The following CHD7 variants were observed in gnomAD, a reference collection of about 807,000 sequenced individuals.
The protein encoded by CHD7 is chromodomain helicase DNA binding protein 7.
Under a neutral mutation model 307.3 loss-of-function variants are expected in CHD7, and 24 were observed. That is an observed-to-expected ratio of 0.08 (90% CI 0.06 to 0.11). The LOEUF (loss-of-function observed/expected upper bound fraction) is 0.11. Among genes scored for constraint, CHD7 ranks in the 10% least tolerant of loss-of-function variants. The pLI is 1.00. For missense variants in CHD7, 3,106 were observed against 3,727.1 expected, an observed-to-expected ratio of 0.83 and a Z score of 4.34; for synonymous variants, 1,363 against 1,349.9, an observed-to-expected ratio of 1.01 and a Z score of -0.21.
intron 1 of CHD7, among the ~76,000 whole-genome samples, chr8:60,740,351 A>G (rs1563557609): frequency 6.6e-6 from 1 of 152,232 alleles, no homozygotes; most frequent in Non-Finnish European, 1.5e-5. Context: ...TAGTTATGAG[A>G]ATAGTTGGTG....
At chr8:60,795,287 G>C (rs1301577478) in intron 4 of CHD7, among the ~76,000 whole-genome samples, 160 bp downstream of exon 4, 1 of 152,130 alleles carries the variant, frequency 6.6e-6, no homozygotes, top group African/African-American at 2.4e-5. Flanking sequence ...GTAGGGAGGG[G>C]GAGCGGGCGT....
intron 2 of CHD7, 53 bp from the exon 3 acceptor site, chr8:60,780,947 T>G (rs1811186581): frequency 6.9e-7 from 1 of 1,445,532 alleles, no homozygotes; most frequent in Non-Finnish European, 9.1e-7. Context: ...TCAGTTCTTT[T>G]CTTTACTGTG....
chr8:60,697,105 A>C (rs1197219925), intron 1 of CHD7, among the ~76,000 whole-genome samples: 4 of 152,202 alleles, frequency 2.6e-5, no homozygotes, highest in Non-Finnish European at 4.4e-5. Flanking sequence ...TAATTGTTAA[A>C]ATATGTGAGC....
In CHD7 at chr8:60,801,611, C is replaced by T. The variant is rs1449256608; in HGVS notation, c.2442+18C>T. On this transcript the variant is annotated intron_variant, in intron 6 of 37. Transcript: ENST00000423902. ...AAAAGCAGGTGAGTGCCATTGGAGCCATTAAAATCTGTGAGGTGTATGTGA... is the reference window on the plus strand; with the variant it reads ...AAAAGCAGGTGAGTGCCATTGGAGCTATTAAAATCTGTGAGGTGTATGTGA... The T allele has an allele frequency of 4.5e-6, 7 of 1,541,928 alleles. No individual in the cohort carries two copies. In the Admixed American group the frequency reaches 1.1e-4, roughly 25 times the overall value.
chr8:60,819,402 C>T (rs1468678269), intron 8 of CHD7, among the ~76,000 whole-genome samples: 1 of 152,084 alleles, frequency 6.6e-6, no homozygotes, highest in African/African-American at 2.4e-5. Context: ...ATACTTTTGC[C>T]TAAACACACT....
chr8:60,731,164 T>C (rs1199178371), intron 1 of CHD7, among the ~76,000 whole-genome samples: 3 of 152,160 alleles, frequency 2.0e-5, no homozygotes, highest in Non-Finnish European at 4.4e-5. Flanking sequence ...GTGATTTGGA[T>C]ATGCCAAAGA....
At chr8:60,721,521 AC>A (rs1236730264) in intron 1 of CHD7, among the ~76,000 whole-genome samples, 1 of 152,226 alleles carries the variant, frequency 6.6e-6, no homozygotes, top group Admixed American at 6.5e-5. Context: ...TTGTTGGAGA[AC>A]CACAGTCCTG....
intron 1 of CHD7, among the ~76,000 whole-genome samples, chr8:60,729,843 T>G (rs1015773546): frequency 1.3e-5 from 2 of 152,244 alleles, no homozygotes; most frequent in African/African-American, 4.8e-5. Context: ...GTGATCAAAA[T>G]GGACACAATG....
At chr8:60,686,348 TA>T (rs10555815) in intron 1 of CHD7, among the ~76,000 whole-genome samples, 306 of 148,904 alleles carry the variant, frequency 2.1e-3, no homozygotes, top group African/African-American at 4.8e-3. Flanking sequence ...CAGTTTTTCT[TA>T]AAAAAAAAAA....
intron 2 of CHD7, among the ~76,000 whole-genome samples, chr8:60,768,760 T>C (rs1471550392): frequency 1.3e-5 from 2 of 152,154 alleles, no homozygotes; most frequent in Non-Finnish European, 2.9e-5. Flanking sequence ...CTGGACTAGA[T>C]ATCAGACGAC....
intron 21 of CHD7, among the ~76,000 whole-genome samples, chr8:60,843,294 C>T (rs546824918): frequency 3.3e-5 from 5 of 152,308 alleles, no homozygotes; most frequent in South Asian, 4.1e-4. Context: ...TCACCCCCTG[C>T]GTCCCAAAAG....
chr8:60,800,504 C>A lies in CHD7; in HGVS notation c.2355C>A (p.Asn785Lys). 6.2e-7 allele frequency: 1 copy of A among 1,613,706 alleles called. No individual in the cohort carries two copies. Among genetic ancestry groups the A allele is most frequent in the Non-Finnish European group, 8.5e-7 (1 of 1,179,732 alleles). Residue 785 changes from asparagine (N) to lysine (K), a missense_variant, in exon 5 of 38, where the codon AAC (asparagine) becomes AAA (lysine). By Grantham distance (94) the Asn-to-Lys change is moderately conservative (BLOSUM62 0). Transcript: ENST00000423902. Reference protein sequence around the residue: ...ADAAGRDSPSNTSQSEQQESV... With the variant: ...ADAAGRDSPSKTSQSEQQESV... ...CTGCTGGGAGGGATTCCCCCTCCAA[C>A]ACCTCCCAGTCAGAACAGCAGGTTA... is the stretch of plus-strand genomic sequence containing the variant.
intron 24 of CHD7, 47 bp downstream of exon 24, chr8:60,848,651 G>T: frequency 4.2e-6 from 6 of 1,432,792 alleles, no homozygotes; most frequent in Non-Finnish European, 5.9e-6. Flanking sequence ...AGATAATCTG[G>T]GTAGCCGGAA....
intron 1 of CHD7, among the ~76,000 whole-genome samples, chr8:60,707,051 T>G (rs984195415): frequency 6.6e-6 from 1 of 152,098 alleles, no homozygotes; most frequent in Non-Finnish European, 1.5e-5. Context: ...TTCCCACCTA[T>G]GAGTGAGAAC....
At chr8:60,679,109 C>G (rs1805425197) in intron 1 of CHD7, 27 bp downstream of exon 1, 2 of 156,306 alleles carry the variant, frequency 1.3e-5, no homozygotes, top group South Asian at 3.5e-4. Flanking sequence ...GCCCGGCGCC[C>G]CCGGGAGGGG....
chr8:60,817,429 A>T (rs1046264683), intron 8 of CHD7, among the ~76,000 whole-genome samples: 1 of 152,218 alleles, frequency 6.6e-6, no homozygotes, highest in African/African-American at 2.4e-5. Flanking sequence ...TTCTTATACT[A>T]TCAGGTAGCA....
At chr8:60,847,238 T>G (rs1029627608) in intron 23 of CHD7, among the ~76,000 whole-genome samples, 1 of 152,108 alleles carries the variant, frequency 6.6e-6, no homozygotes, top group African/African-American at 2.4e-5. Context: ...TGTTGATGTG[T>G]GATTGGGAGT....
intron 8 of CHD7, among the ~76,000 whole-genome samples, chr8:60,818,535 C>T (rs1473811028): frequency 1.3e-5 from 2 of 152,194 alleles, no homozygotes; most frequent in Non-Finnish European, 2.9e-5. Flanking sequence ...TTTTGAAAAG[C>T]CAGTGCATTA....
chr8:60,732,769 A>G (rs1018150927), intron 1 of CHD7, among the ~76,000 whole-genome samples: 2 of 152,198 alleles, frequency 1.3e-5, no homozygotes, highest in Non-Finnish European at 1.5e-5. Context: ...TTACTCTTCC[A>G]TAAGTCTGCA....
Sources: allele counts gnomAD v4.1 joint callset (sites outside exome capture counted in the v4.1 genomes callset), GRCh38; gene constraint gnomAD v4.1.1; transcripts MANE v1.5; gene names NCBI Gene and HGNC (gene_info 2026-07-23, HGNC 2026-07-21).